The following ITPA variants were observed in gnomAD, a reference collection of about 807,000 sequenced individuals.
ITPA encodes inosine triphosphate pyrophosphatase.
In ITPA, 29 loss-of-function variants were observed where a neutral mutation model predicts 29.6. The ratio of observed to expected loss-of-function variants is 0.98; its 90% CI spans 0.73 to 1.34. The LOEUF is 1.34. Among genes scored for constraint, ITPA ranks in the 40% most tolerant of loss-of-function variants. The pLI, the probability that ITPA is intolerant of heterozygous loss-of-function variation, is 0.00. For synonymous variants in ITPA, 103 were observed against 99.3 expected, an observed-to-expected ratio of 1.04 and a Z score of -0.22; for missense variants, 241 against 251.5, an observed-to-expected ratio of 0.96 and a Z score of 0.28.
chr20:3,204,515 C>G (rs2067057240), upstream of ITPA: 1 of 1,546,562 alleles, frequency 6.5e-7, no homozygotes. Flanking sequence ...ACCACCAACC[C>G]TGGTGCAGCG....
intron 7 of ITPA, among the ~76,000 whole-genome samples, chr20:3,222,993 G>A (rs191206756): frequency 2.0e-5 from 3 of 152,252 alleles, no homozygotes; most frequent in Admixed American, 6.5e-5. Context: ...GTGCTCCCCC[G>A]CCCTCAGCGC....
downstream of ITPA, among the ~76,000 whole-genome samples, chr20:3,224,778 G>T (rs138319444): frequency 3.9e-3 from 600 of 152,348 alleles, 2 homozygotes; most frequent in African/African-American, 0.014. Context: ...TGCTGCCTGG[G>T]TGGGGTGGGT....
At chr20:3,206,510 A>G (rs1262045973), upstream of ITPA, among the ~76,000 whole-genome samples, 1 of 151,998 alleles carries the variant, frequency 6.6e-6, no homozygotes, top group Non-Finnish European at 1.5e-5. Flanking sequence ...CAGCCTGACC[A>G]ACATGGAGAA....
At chr20:3,206,047 C>T (rs2067067757), upstream of ITPA, among the ~76,000 whole-genome samples, 1 of 133,664 alleles carries the variant, frequency 7.5e-6, no homozygotes, top group African/African-American at 2.9e-5. Context: ...CAGAGCAAGA[C>T]TCTGTCTCAA....
chr20:3,223,365 G>T lies in ITPA; in HGVS notation c.489-1G>T. 1.2e-6 allele frequency: 2 copies of T among 1,612,908 alleles called. No individual in the cohort carries two copies. The highest frequency in any genetic ancestry group is 2.2e-5 in the South Asian group (2 of 90,894). The stretch of plus-strand genomic sequence containing the variant: ...CCTGAGCTGCTACTGTCACCCCTCA[G>T]GTACGCAGAGATGCCTAAGGCGGAG... On this transcript the variant is annotated splice_acceptor_variant, in intron 7 of 7. Transcript: ENST00000380113. LOFTEE classifies it high-confidence loss of function.
rs768426001 is a variant in ITPA, at chr20:3,221,962, G to C, written c.488+45G>C. On this transcript the variant is annotated intron_variant, in intron 7 of 7. Transcript: ENST00000380113. ...TTCCCTGGGGTGTGGGGTTGGTACA[G>C]CCATGGTTTGGGTTGGGCCAGTGCC... The C allele has an allele frequency of 1.9e-6, 3 of 1,589,114 alleles. No homozygotes were observed. The South Asian group carries it at 3.3e-5, about 18-fold the overall frequency.
At chr20:3,216,229 G>A (rs1212340191) in intron 5 of ITPA, among the ~76,000 whole-genome samples, 2 of 146,704 alleles carry the variant, frequency 1.4e-5, no homozygotes, top group Non-Finnish European at 1.5e-5. Flanking sequence ...GCATGATCTC[G>A]GCTCACTCCA....
At chr20:3,212,958 C>A (rs542775597) in intron 1 of ITPA, among the ~76,000 whole-genome samples, 1 of 151,828 alleles carries the variant, frequency 6.6e-6, no homozygotes, top group Admixed American at 6.6e-5. Flanking sequence ...AAGCAGAGAC[C>A]TGACGTAGAA....
At chr20:3,217,644 T>G (rs894120900) in intron 5 of ITPA, among the ~76,000 whole-genome samples, 3 of 151,970 alleles carry the variant, frequency 2.0e-5, no homozygotes, top group African/African-American at 7.3e-5. Flanking sequence ...AATTTTTGTG[T>G]TTTTTGTAGA....
At chr20:3,216,073 C>T (rs2067288727) in intron 5 of ITPA, among the ~76,000 whole-genome samples, 1 of 152,096 alleles carries the variant, frequency 6.6e-6, no homozygotes, top group Non-Finnish European at 1.5e-5. Context: ...TCACTGCAAC[C>T]TCTGCCTCCC....
chr20:3,211,101 C>T (rs2067161676), intron 1 of ITPA, among the ~76,000 whole-genome samples: 1 of 147,798 alleles, frequency 6.8e-6, no homozygotes, highest in African/African-American at 2.5e-5. Context: ...GAAGAAGGCA[C>T]TAGAGTAGCC....
chr20:3,217,908 T>TTC (rs1213056041), intron 5 of ITPA, among the ~76,000 whole-genome samples: 2 of 129,356 alleles, frequency 1.5e-5, no homozygotes, highest in African/African-American at 5.7e-5. Context: ...TTTTGTGGGT[T>TTC]TTTTTTTGTT....
Position 3,213,384 on chromosome 20 carries a change from G to A in ITPA, c.189+1G>A. On this transcript the variant is annotated splice_donor_variant, in intron 3 of 7. Coordinates refer to ENST00000380113, the MANE Select transcript of ITPA (RefSeq NM_033453.4). LOFTEE classifies it high-confidence loss of function. ...GAAATGTCAGGAGGCAGTTCGCCAGGTGCTTGCCCTGCCCTTGTCCCACAC... is the reference window on the plus strand; with the variant it reads ...GAAATGTCAGGAGGCAGTTCGCCAGATGCTTGCCCTGCCCTTGTCCCACAC... The A allele has an allele frequency of 6.2e-7, 1 of 1,613,848 alleles. No individual in the cohort carries two copies. Among genetic ancestry groups the A allele is most frequent in the South Asian group, 1.1e-5 (1 of 91,070 alleles).
At chr20:3,226,553 G>C (rs575051507), downstream of ITPA, among the ~76,000 whole-genome samples, 1 of 152,274 alleles carries the variant, frequency 6.6e-6, no homozygotes, top group South Asian at 2.1e-4. The surrounding 1 kb of genome is among the most constrained non-coding windows in gnomAD (Gnocchi z 4.4). Flanking sequence ...AGGGGTCTGA[G>C]CACCTCTCGC....
rs371995344 is a variant in ITPA, at chr20:3,223,537, G to T, written c.*75G>T. 57 of 1,148,796 alleles carry T rather than the reference G, an allele frequency of 5.0e-5. No individual in the cohort carries two copies. Among genetic ancestry groups the T allele is most frequent in the East Asian group, 1.0e-4 (4 of 39,592 alleles). The allele number at this position is 1,148,796 out of a possible 1,614,324, so 71.2% of individuals were successfully genotyped here. A position where few individuals can be genotyped will look rare whatever the true frequency, so the allele number is the denominator to read the frequency against. On this transcript the variant is annotated 3_prime_UTR_variant, in exon 8 of 8. Transcript: ENST00000380113. The stretch of plus-strand genomic sequence containing the variant: ...GCCCAAAACCTCCCGCATCGGGCAG[G>T]CACCCCCTGAAGTACTTCCTTCAGG...
intron 6 of ITPA, 55 bp downstream of exon 6, chr20:3,218,687 C>A: frequency 7.5e-7 from 1 of 1,341,380 alleles, no homozygotes; most frequent in Non-Finnish European, 1.1e-6. Flanking sequence ...GGTGCCGCGA[C>A]CCGAGCCGAC....
intron 3 of ITPA, 101 bp from the exon 4 acceptor site, chr20:3,213,884 T>C (rs913262197): frequency 3.5e-5 from 42 of 1,190,900 alleles, no homozygotes; most frequent in Non-Finnish European, 4.9e-5. Flanking sequence ...AGATCTCAGC[T>C]AGCTGAGGGC....
downstream of ITPA, among the ~76,000 whole-genome samples, chr20:3,226,236 C>T (rs1402635576): frequency 6.6e-6 from 1 of 152,128 alleles, no homozygotes; most frequent in Non-Finnish European, 1.5e-5. The surrounding 1 kb of genome is among the most constrained non-coding windows in gnomAD (Gnocchi z 4.4). Flanking sequence ...AAGCTACCTC[C>T]TGGCAGGCAG....
rs181381733 is a variant in ITPA at position 3,212,377 on chromosome 20, A to G, written c.67-792A>G. ...CTCTGTCGCCTAAGGCTGGAGTGCAATGGTGCAATCTTGGCTCACTGTAGC... is the reference window on the plus strand; with the variant it reads ...CTCTGTCGCCTAAGGCTGGAGTGCAGTGGTGCAATCTTGGCTCACTGTAGC... On this transcript the variant is annotated intron_variant, in intron 1 of 7. Transcript: ENST00000380113. Among the ~76,000 whole-genome samples the G allele has an allele frequency of 7.3e-4, 110 of 151,484 alleles. 1 individual carries two copies. Among genetic ancestry groups the G allele is most frequent in the Admixed American group, 2.2e-3 (34 of 15,212 alleles).
Sources: allele counts gnomAD v4.1 joint callset (sites outside exome capture counted in the v4.1 genomes callset), GRCh38; gene constraint gnomAD v4.1.1; non-coding constraint Gnocchi (gnomAD v3.1); transcripts MANE v1.5; gene names NCBI Gene and HGNC (gene_info 2026-07-23, HGNC 2026-07-21).